The following GRXCR2 variants were observed in gnomAD, a reference collection of about 807,000 sequenced individuals.
GRXCR2 encodes glutaredoxin domain-containing cysteine-rich protein 2.
Under a neutral mutation model 24.8 loss-of-function variants are expected in GRXCR2, and 23 were observed. The observed-to-expected ratio is 0.93, with a 90% CI of 0.67 to 1.32. GRXCR2 has a LOEUF of 1.32. GRXCR2 is among the 40% of genes most tolerant of loss of function. GRXCR2 has a pLI of 0.00. For missense variants in GRXCR2, 315 were observed against 303.4 expected (o/e 1.04, Z -0.28); for synonymous variants, 130 against 116.1 (o/e 1.12, Z -0.77).
At chr5:145,892,346 G>A (rs1756879046) in intron 2 of GRXCR2, among the ~76,000 whole-genome samples, 1 of 152,052 alleles carries the variant, frequency 6.6e-6, no homozygotes, top group Admixed American at 6.6e-5. Context: ...AGCTAAAGAA[G>A]GAAGTTCGAA....
intron 2 of GRXCR2, among the ~76,000 whole-genome samples, chr5:145,920,596 A>G (rs1162002133): frequency 6.6e-6 from 1 of 152,150 alleles, no homozygotes; most frequent in Admixed American, 6.5e-5. Context: ...TCTTCCCCAA[A>G]CATGTTTCCT....
intron 2 of GRXCR2, among the ~76,000 whole-genome samples, chr5:145,913,065 G>A (rs1016461985): frequency 1.3e-5 from 2 of 152,150 alleles, no homozygotes; most frequent in East Asian, 3.9e-4. Flanking sequence ...TAGATTTACA[G>A]AAAAGTGACA....
At position 145,930,189 on chromosome 5, in the gene GRXCR2, A is replaced by G. The variant is rs1212397833; in HGVS notation, c.-70+5512T>C. Among the ~76,000 whole-genome samples, 3 of 152,210 alleles carry G rather than the reference A, an allele frequency of 2.0e-5. No individual in the cohort carries two copies. The East Asian group carries it at 5.8e-4, about 29-fold the overall frequency. On this transcript the variant is annotated intron_variant, in intron 2 of 3. Coordinates refer to the GRXCR2 transcript ENST00000639411. ...AGCCTCTGCCTCCCAGATTCAACTG[A>G]TTCTCCTGCCTCAGCCTCCCAAGTA... is the stretch of plus-strand genomic sequence containing the variant.
chr5:145,897,000 T>A (rs1394835810), intron 2 of GRXCR2, among the ~76,000 whole-genome samples: 1 of 151,922 alleles, frequency 6.6e-6, no homozygotes, highest in East Asian at 1.9e-4. Context: ...TGGATGAAGC[T>A]GGAAACCATC....
rs963440883 is a variant in GRXCR2 at position 145,858,631 on chromosome 5, T to C, written c.*1102A>G. 3.9e-5 allele frequency: 6 copies of C among 152,198 alleles called. No homozygotes were observed. Among genetic ancestry groups the C allele is most frequent in the African/African-American group, 1.4e-4 (6 of 41,456 alleles). 9.4% of individuals were successfully genotyped at this position (152,198 alleles called of 1,614,324 possible). On this transcript the variant is annotated 3_prime_UTR_variant, in exon 3 of 3. Transcript: ENST00000377976. ...ATAACAAACAAATCTTGAGAAATTA[T>C]TAAGTTATGAAATCAAAATTATTAT...
intron 2 of GRXCR2, among the ~76,000 whole-genome samples, chr5:145,897,984 T>G (rs1035762649): frequency 2.2e-4 from 34 of 151,882 alleles, no homozygotes; most frequent in Non-Finnish European, 5.9e-5. Context: ...TGAATGAAAT[T>G]GAGACCCAAA....
chr5:145,880,420 C>G (rs1275229065), intron 2 of GRXCR2, among the ~76,000 whole-genome samples: 1 of 152,142 alleles, frequency 6.6e-6, no homozygotes. Flanking sequence ...ATAAACACGT[C>G]TATGCAAATA....
chr5:145,858,212 G>T (rs1756269643), downstream of GRXCR2, among the ~76,000 whole-genome samples: 1 of 151,540 alleles, frequency 6.6e-6, no homozygotes, highest in Non-Finnish European at 1.5e-5. Context: ...TACTCAGGAG[G>T]CGGAGGCAGG....
At position 145,922,827 on chromosome 5, in the gene GRXCR2, C is replaced by T. The variant is rs185458101; in HGVS notation, c.-70+12874G>A. On this transcript the variant is annotated intron_variant, in intron 2 of 3. Transcript: ENST00000639411. Reference sequence around the variant, plus strand: ...CAAAACCAAAGCTAGGCCAAACTCCCAGAACTAGCCCTAGTCTGTAATGGT... The same window carrying T: ...CAAAACCAAAGCTAGGCCAAACTCCTAGAACTAGCCCTAGTCTGTAATGGT... Among the ~76,000 whole-genome samples the T allele has an allele frequency of 2.4e-3, 367 of 152,316 alleles. 2 individuals carry two copies. The highest frequency in any genetic ancestry group is 8.7e-3 in the African/African-American group (360 of 41,572).
At chr5:145,928,791 T>C (rs1199528354) in intron 2 of GRXCR2, among the ~76,000 whole-genome samples, 1 of 149,030 alleles carries the variant, frequency 6.7e-6, no homozygotes, top group Non-Finnish European at 1.5e-5. Context: ...TTAGGAGATA[T>C]ACCTAGTGTT....
chr5:145,867,502 A>G (rs1383046667), intron 1 of GRXCR2, among the ~76,000 whole-genome samples: 1 of 152,192 alleles, frequency 6.6e-6, no homozygotes, highest in African/African-American at 2.4e-5. Context: ...CTTCTAAAGC[A>G]TCATTATTAA....
chr5:145,899,083 A>T (rs1756990750), intron 2 of GRXCR2, among the ~76,000 whole-genome samples: 1 of 152,142 alleles, frequency 6.6e-6, no homozygotes, highest in Non-Finnish European at 1.5e-5. Flanking sequence ...AATGTACAAA[A>T]GTCAGTACTA....
At chr5:145,864,130 C>G (rs763243597) in intron 2 of GRXCR2, among the ~76,000 whole-genome samples, 2 of 152,090 alleles carry the variant, frequency 1.3e-5, no homozygotes, top group Non-Finnish European at 2.9e-5. Context: ...TCATGGAAGC[C>G]AGGGAAGATC....
chr5:145,930,385 T>G (rs1757463011), intron 2 of GRXCR2, among the ~76,000 whole-genome samples: 1 of 152,176 alleles, frequency 6.6e-6, no homozygotes, highest in African/African-American at 2.4e-5. Flanking sequence ...ACTCTCTTTT[T>G]AACACAAATT....
chr5:145,922,729 T>C (rs1561692397), intron 2 of GRXCR2, among the ~76,000 whole-genome samples: 2 of 152,210 alleles, frequency 1.3e-5, no homozygotes, highest in Non-Finnish European at 2.9e-5. Flanking sequence ...TGGTCCAGTA[T>C]AGCCAGAAGC....
intron 2 of GRXCR2, among the ~76,000 whole-genome samples, chr5:145,892,683 A>G (rs1756887064): frequency 6.6e-6 from 1 of 152,254 alleles, no homozygotes; most frequent in Non-Finnish European, 1.5e-5. Context: ...GATGGGGAGA[A>G]TGGAACCAAG....
In GRXCR2 at chr5:145,881,326, G is replaced by A. The variant is rs186150385; in HGVS notation, c.-69-14598C>T. 4.2e-3 allele frequency among the ~76,000 whole-genome samples: 638 copies of A among 152,322 alleles called. 3 individuals are homozygous for A. The highest frequency in any genetic ancestry group is 6.7e-3 in the Non-Finnish European group (459 of 68,034). On this transcript the variant is annotated intron_variant, in intron 2 of 3. Coordinates refer to the GRXCR2 transcript ENST00000639411. ...CTCCTTAAGCTGATAAGCAACTTCA[G>A]CAAAGTCTCAGGATACAAAATCAAT...
At chr5:145,892,840 C>T (rs568174263) in intron 2 of GRXCR2, among the ~76,000 whole-genome samples, 5 of 152,020 alleles carry the variant, frequency 3.3e-5, no homozygotes, top group Non-Finnish European at 7.4e-5. Context: ...TCAGATTCAC[C>T]GAAGTTAAAA....
chr5:145,907,564 G>A lies in GRXCR2; in HGVS notation c.-70+28137C>T, dbSNP rs148278751. ...AAGTAATAATAATAATAAAATGATC[G>A]CTCTGGCTGCCACATCGAGTATAAA... is the stretch of plus-strand genomic sequence containing the variant. On this transcript the variant is annotated intron_variant, in intron 2 of 3. Transcript: ENST00000639411. 3.4e-3 allele frequency among the ~76,000 whole-genome samples: 514 copies of A among 151,870 alleles called. 1 individual carries two copies. Among genetic ancestry groups the A allele is most frequent in the Admixed American group, 5.8e-3 (89 of 15,222 alleles).
Sources: gnomAD v4.1 joint callset for allele counts (sites outside exome capture counted in the v4.1 genomes callset) on GRCh38, gnomAD v4.1.1 for gene constraint, MANE v1.5 for transcripts, NCBI Gene and HGNC (gene_info 2026-07-23, HGNC 2026-07-21) for gene names.